Variants in PTPRB observed in about 807,000 individuals in gnomAD.
The protein encoded by PTPRB is protein tyrosine phosphatase receptor type B.
Under a neutral mutation model 238.1 loss-of-function variants are expected in PTPRB, and 97 were observed. The observed-to-expected ratio is 0.41, with a 90% CI of 0.35 to 0.48. The LOEUF (loss-of-function observed/expected upper bound fraction) is 0.48. Among genes scored for constraint, PTPRB ranks in the 20% least tolerant of loss-of-function variants. The pLI is 0.30. For missense variants in PTPRB, 2,292 were observed against 2,681.9 expected (o/e 0.85, Z 3.21); for synonymous variants, 970 against 995.4 (o/e 0.97, Z 0.48).
intron 9 of PTPRB, among the ~76,000 whole-genome samples, chr12:70,586,805 C>G (rs1331408351): frequency 6.6e-6 from 1 of 152,098 alleles, no homozygotes; most frequent in Non-Finnish European, 1.5e-5. Flanking sequence ...GTTTAGCAAA[C>G]TAAATCCAAG....
intron 13 of PTPRB, 90 bp downstream of exon 13, chr12:70,570,936 C>T: frequency 7.0e-7 from 1 of 1,426,734 alleles, no homozygotes; most frequent in Non-Finnish European, 9.6e-7. Context: ...CCTTTTATCC[C>T]TCCAAATGCT....
At chr12:70,616,833 G>T (rs1884701021) in intron 3 of PTPRB, among the ~76,000 whole-genome samples, 1 of 152,074 alleles carries the variant, frequency 6.6e-6, no homozygotes, top group Admixed American at 6.5e-5. Context: ...TTCTGTTCAT[G>T]GTTGTATTTT....
chr12:70,632,483 C>T (rs965912408), intron 2 of PTPRB, among the ~76,000 whole-genome samples: 2 of 151,442 alleles, frequency 1.3e-5, no homozygotes, highest in East Asian at 1.9e-4. Flanking sequence ...GTGTAAATGA[C>T]GAGTTGATGA....
intron 4 of PTPRB, among the ~76,000 whole-genome samples, chr12:70,601,790 C>CTTTTTTTTTTTTTT (rs200227553): frequency 3.9e-5 from 5 of 127,548 alleles, no homozygotes; most frequent in Admixed American, 8.4e-5. Context: ...TTTCTTTTTT[C>CTTTTTTTTTTTTTT]TTTTTTTTTT....
intron 3 of PTPRB, among the ~76,000 whole-genome samples, chr12:70,616,154 G>C (rs1403758840): frequency 6.6e-6 from 1 of 151,860 alleles, no homozygotes; most frequent in Non-Finnish European, 1.5e-5. Flanking sequence ...ATGTTGCCCA[G>C]GCTAGTCTCA....
chr12:70,610,308 C>T (rs1234168525), intron 3 of PTPRB, among the ~76,000 whole-genome samples: 2 of 152,122 alleles, frequency 1.3e-5, no homozygotes, highest in Non-Finnish European at 2.9e-5. Context: ...CCCGTACTCT[C>T]CCTTTTCCCC....
intron 23 of PTPRB, chr12:70,540,483 A>G (rs918881118): frequency 1.4e-5 from 3 of 208,030 alleles, no homozygotes; most frequent in South Asian, 1.1e-4. Flanking sequence ...GGTGATGTCA[A>G]CCACACTTTT....
At chr12:70,550,257 T>C (rs1167722426) in intron 21 of PTPRB, among the ~76,000 whole-genome samples, 1 of 152,194 alleles carries the variant, frequency 6.6e-6, no homozygotes, top group Non-Finnish European at 1.5e-5. Flanking sequence ...GGAACGCATC[T>C]GAGAGTGAAA....
chr12:70,549,115 G>A (rs1326218611), intron 21 of PTPRB, among the ~76,000 whole-genome samples: 3 of 152,104 alleles, frequency 2.0e-5, no homozygotes, highest in Non-Finnish European at 2.9e-5. Flanking sequence ...CCAACAACAC[G>A]TATTGCCAGA....
At chr12:70,591,464 C>T (rs1171655369) in intron 7 of PTPRB, among the ~76,000 whole-genome samples, 1 of 152,120 alleles carries the variant, frequency 6.6e-6, no homozygotes, top group Non-Finnish European at 1.5e-5. Context: ...ACATCTCTCA[C>T]AGTTTTGTTG....
In PTPRB at chr12:70,585,699, A is replaced by G. The variant is rs1881834792; in HGVS notation, c.2311+1308T>C. Among the ~76,000 whole-genome samples, 3 of 152,126 alleles carry G rather than the reference A, an allele frequency of 2.0e-5. 1 individual carries two copies. In the South Asian group the frequency reaches 6.2e-4, roughly 32 times the overall value. ...TCTAGGGTACCTGTGCACAACATGCAGTTTTGTTACATAGGTATACATGTG... is the reference window on the plus strand; with the variant it reads ...TCTAGGGTACCTGTGCACAACATGCGGTTTTGTTACATAGGTATACATGTG... On this transcript the variant is annotated intron_variant, in intron 9 of 33. Transcript: ENST00000334414.
chr12:70,559,733 G>A, intron 17 of PTPRB, 109 bp from the exon 18 acceptor site: 2 of 1,047,212 alleles, frequency 1.9e-6, no homozygotes, highest in Non-Finnish European at 1.4e-6. Flanking sequence ...TTTGTAGGAA[G>A]AGATAATATG....
At position 70,596,070 on chromosome 12, in the gene PTPRB, C is replaced by T. The variant is rs1246224620; in HGVS notation, c.1237G>A (p.Val413Ile). The change falls in exon 5 of 34, where the codon GTT (valine) becomes ATT (isoleucine). Residue 413 changes from valine (V) to isoleucine (I), a missense_variant. Val to Ile is a conservative substitution (Grantham distance 29). Around this residue, in one of 4 missense-constraint regions of PTPRB, gnomAD observed 1,205 missense variants for 1,287.8 expected, o/e 0.94. Coordinates refer to ENST00000334414, the MANE Select transcript of PTPRB (RefSeq NM_001109754.4). ...AVSGGKRSFS[V>I]YTNGSTVPSP... Reference sequence around the variant, plus strand: ...TTACCTGTTGATCCATTGGTATAAACTGAAAAAGAACGTTTTCCTCCAGAA... The same window carrying T: ...TTACCTGTTGATCCATTGGTATAAATTGAAAAAGAACGTTTTCCTCCAGAA... The T allele has an allele frequency of 4.4e-6, 7 of 1,609,066 alleles. No homozygotes were observed. In the South Asian group the frequency reaches 4.4e-5, roughly 10 times the overall value.
At position 70,609,209 on chromosome 12, in the gene PTPRB, G is replaced by T. The variant is rs751969070; in HGVS notation, c.839C>A (p.Thr280Asn). 2 of 1,614,058 alleles carry T rather than the reference G, an allele frequency of 1.2e-6. No individual in the cohort carries two copies. Among genetic ancestry groups the T allele is most frequent in the Middle Eastern group, 3.3e-4 (2 of 6,062 alleles). Residue 280 changes from threonine to asparagine, a missense_variant, in exon 4 of 34, where the codon ACC becomes AAC. By Grantham distance (65) the Thr-to-Asn change is moderately conservative. Around this residue, in one of 4 missense-constraint regions of PTPRB, gnomAD observed 1,205 missense variants for 1,287.8 expected, o/e 0.94. Coordinates refer to ENST00000334414, the MANE Select transcript of PTPRB (RefSeq NM_001109754.4). ...CNFSLIYSSD[T>N]LGAALCPTFR... Reference sequence around the variant, plus strand: ...GGTAGGGCACAACGCGGCCCCCAGGGTGTCACTGCTATAGATGAGGCTAAA... The same window carrying T: ...GGTAGGGCACAACGCGGCCCCCAGGTTGTCACTGCTATAGATGAGGCTAAA...
chr12:70,551,579 T>C (rs1442671144), intron 21 of PTPRB, among the ~76,000 whole-genome samples: 1 of 152,058 alleles, frequency 6.6e-6, no homozygotes, highest in Non-Finnish European at 1.5e-5. Context: ...CTAGGAGTGA[T>C]ACTTCAAATA....
chr12:70,543,180 C>G (rs144751774), intron 22 of PTPRB: 6 of 152,076 alleles, frequency 3.9e-5, no homozygotes, highest in African/African-American at 7.2e-5. Flanking sequence ...TTTTCTAATC[C>G]AAGGTTACAA....
chr12:70,593,630 C>T (rs1210518475), intron 6 of PTPRB, among the ~76,000 whole-genome samples: 1 of 148,352 alleles, frequency 6.7e-6, no homozygotes, highest in Non-Finnish European at 1.5e-5. Flanking sequence ...ATATATAGAA[C>T]ATTTTTGGCC....
intron 4 of PTPRB, among the ~76,000 whole-genome samples, chr12:70,607,342 C>T (rs1484187362): frequency 6.6e-6 from 1 of 152,176 alleles, no homozygotes. Context: ...TTTCTAAACA[C>T]AATTAACACA....
chr12:70,597,087 T>G (rs1883098000), intron 4 of PTPRB, among the ~76,000 whole-genome samples: 1 of 152,008 alleles, frequency 6.6e-6, no homozygotes, highest in Non-Finnish European at 1.5e-5. Context: ...CCGGTGAATT[T>G]TTTTTTGTAT....
Sources: allele counts gnomAD v4.1 joint callset (sites outside exome capture counted in the v4.1 genomes callset), GRCh38; gene constraint gnomAD v4.1.1; regional missense constraint gnomAD v4.1.1; transcripts MANE v1.5; gene names NCBI Gene and HGNC (gene_info 2026-07-23, HGNC 2026-07-21).